The following CELF4 variants were observed in gnomAD, a reference collection of about 807,000 sequenced individuals.
CELF4 encodes the protein CUGBP Elav-like family member 4.
Under a neutral mutation model 59.9 loss-of-function variants are expected in CELF4, and 18 were observed. The ratio of observed to expected loss-of-function variants is 0.30; its 90% CI spans 0.21 to 0.45. CELF4 has a LOEUF of 0.45. CELF4 is among the 20% of genes least tolerant of loss of function. The pLI is 1.00. For missense variants in CELF4, 456 were observed against 689.0 expected (o/e 0.66, Z 3.79); for synonymous variants, 261 against 267.1 (o/e 0.98, Z 0.22).
At chr18:37,320,373 G>A (rs899543527) in intron 3 of CELF4, among the ~76,000 whole-genome samples, 8 of 147,796 alleles carry the variant, frequency 5.4e-5, no homozygotes, top group Admixed American at 4.0e-4. Flanking sequence ...AACTCCTTAC[G>A]CTCCCCTTGG....
At chr18:37,317,525 T>A (rs2096909449) in intron 3 of CELF4, among the ~76,000 whole-genome samples, 1 of 152,152 alleles carries the variant, frequency 6.6e-6, no homozygotes. Context: ...GTGGTGTGCC[T>A]CAGCTGGAGC....
intron 1 of CELF4, among the ~76,000 whole-genome samples, chr18:37,488,268 A>G (rs894975834): frequency 6.6e-6 from 1 of 151,908 alleles, no homozygotes; most frequent in African/African-American, 2.4e-5. Context: ...TTTGGCACCC[A>G]TCACTCCCTG....
chr18:37,322,351 G>T (rs1046020949), intron 2 of CELF4, among the ~76,000 whole-genome samples: 2 of 152,218 alleles, frequency 1.3e-5, no homozygotes, highest in African/African-American at 4.8e-5. Context: ...ATCCCAGCCC[G>T]TACCAGCTCG....
chr18:37,255,246 GTTTA>G (rs1422596489), intron 11 of CELF4, among the ~76,000 whole-genome samples: 1 of 152,028 alleles, frequency 6.6e-6, no homozygotes, highest in Admixed American at 6.6e-5. Context: ...CGTCTTCTCA[GTTTA>G]TTGTCTGTGG....
intron 2 of CELF4, among the ~76,000 whole-genome samples, chr18:37,362,360 G>GCC (rs1324381189): frequency 6.6e-6 from 1 of 152,212 alleles, no homozygotes; most frequent in African/African-American, 2.4e-5. Flanking sequence ...CCCGGCGGCA[G>GCC]CCGAAGGTCA....
chr18:37,492,204 T>C (rs192805181), intron 1 of CELF4, among the ~76,000 whole-genome samples: 151 of 152,074 alleles, frequency 9.9e-4, no homozygotes, highest in Admixed American at 2.5e-3. Context: ...CGGTGGGGAA[T>C]GGGAAGGTAG....
chr18:37,253,900 C>A lies in CELF4; in HGVS notation c.1372G>T (p.Ala458Ser). 3 of 1,607,336 alleles carry A rather than the reference C, an allele frequency of 1.9e-6. No homozygotes were observed. Among genetic ancestry groups the A allele is most frequent in the Non-Finnish European group, 2.5e-6 (3 of 1,177,114 alleles). ...TGGAAGCCGTTCATGGCCTGGATGG[C>A]GGTCTGCGCGCTGGCCGGGTTGTCG... is the stretch of plus-strand genomic sequence containing the variant. ...SFDNPASAQT[A>S]IQAMNGFQIG... Residue 458 changes from alanine (A) to serine (S), a missense_variant, in exon 12 of 13, where the codon GCC becomes TCC. Ala to Ser is a moderately conservative substitution (Grantham distance 99, BLOSUM62 1). Transcript: ENST00000420428. This position sits in a 1 kb window ranked among gnomAD's most constrained non-coding sequence, Gnocchi z 4.5.
At chr18:37,517,702 G>C (rs1271019261) in intron 1 of CELF4, among the ~76,000 whole-genome samples, 2 of 152,158 alleles carry the variant, frequency 1.3e-5, no homozygotes, top group Admixed American at 1.3e-4. Flanking sequence ...GTCTGGGAAA[G>C]GGCTCCTGGT....
At chr18:37,502,511 C>T (rs2099932940) in intron 1 of CELF4, among the ~76,000 whole-genome samples, 1 of 152,150 alleles carries the variant, frequency 6.6e-6, no homozygotes, top group Admixed American at 6.5e-5. Flanking sequence ...TGGTACAGGG[C>T]ATCTCATGAG....
intron 1 of CELF4, among the ~76,000 whole-genome samples, chr18:37,559,731 T>A (rs1460293489): frequency 6.6e-6 from 1 of 152,114 alleles, no homozygotes; most frequent in African/African-American, 2.4e-5. Flanking sequence ...CTTGGATATA[T>A]TCCAAGGCCT....
intron 1 of CELF4, among the ~76,000 whole-genome samples, chr18:37,544,957 A>G (rs1288957232): frequency 2.0e-5 from 3 of 151,898 alleles, no homozygotes; most frequent in Admixed American, 6.6e-5. Context: ...ATGCATGGAG[A>G]CCCCTAAAGC....
At chr18:37,382,185 G>T (rs554501903) in intron 2 of CELF4, among the ~76,000 whole-genome samples, 6 of 152,318 alleles carry the variant, frequency 3.9e-5, no homozygotes, top group Admixed American at 3.9e-4. Context: ...TTCACTATGA[G>T]GCAGGGAATG....
In CELF4 at chr18:37,274,296, C is replaced by A. The variant is rs1228094282; in HGVS notation, c.801+15G>T. ...GTGAGCTTGAGAACCGCTGCCCGTG[C>A]GCGCTGCCACTTACTGCCTGAGCGT... On this transcript the variant is annotated intron_variant, in intron 6 of 12. Coordinates refer to ENST00000420428, the MANE Select transcript of CELF4 (RefSeq NM_020180.4). 5.0e-6 allele frequency: 8 copies of A among 1,609,602 alleles called. No individual in the cohort carries two copies. The highest frequency in any genetic ancestry group is 5.9e-6 in the Non-Finnish European group (7 of 1,178,880).
At chr18:37,270,637 G>T in intron 8 of CELF4, 131 bp downstream of exon 8, 2 of 1,132,554 alleles carry the variant, frequency 1.8e-6, no homozygotes, top group Non-Finnish European at 2.5e-6. Context: ...GGCCCTCTCT[G>T]ATCACACTTG....
intron 2 of CELF4, among the ~76,000 whole-genome samples, chr18:37,444,746 C>T (rs1180477180): frequency 6.6e-6 from 1 of 152,004 alleles, no homozygotes; most frequent in Non-Finnish European, 1.5e-5. Flanking sequence ...CTGCACTGTC[C>T]ATGGCCCCGA....
intron 2 of CELF4, among the ~76,000 whole-genome samples, chr18:37,338,171 T>C (rs1313668): frequency 0.016 from 400 of 25,552 alleles, 4 homozygotes; most frequent in Middle Eastern, 0.076. Flanking sequence ...TCACTATGAC[T>C]GTCACTGACA....
intron 2 of CELF4, among the ~76,000 whole-genome samples, chr18:37,386,693 A>G (rs1380359999): frequency 6.6e-6 from 1 of 152,238 alleles, no homozygotes. Context: ...AAGAAAAAAC[A>G]CCTAGGTACA....
intron 2 of CELF4, among the ~76,000 whole-genome samples, chr18:37,462,347 T>C (rs2099795952): frequency 6.6e-6 from 1 of 152,210 alleles, no homozygotes; most frequent in Non-Finnish European, 1.5e-5. Context: ...GGGCTTCCCA[T>C]TGGTGACTCC....
rs1568959848 is a variant in CELF4, at chr18:37,254,253, C to T, written c.1334-315G>A. Among the ~76,000 whole-genome samples, 1 of 151,614 alleles carries T rather than the reference C, an allele frequency of 6.6e-6. No individual in the cohort carries two copies. The highest frequency in any genetic ancestry group is 1.5e-5 in the Non-Finnish European group (1 of 67,768). ...TGGGAGAGGCGCCCGCCCCCCACCCCCGCCGGCCCCGGCACCTCAGCCCTC... is the reference window on the plus strand; with the variant it reads ...TGGGAGAGGCGCCCGCCCCCCACCCTCGCCGGCCCCGGCACCTCAGCCCTC... On this transcript the variant is annotated intron_variant, in intron 11 of 12. Coordinates refer to ENST00000420428, the MANE Select transcript of CELF4 (RefSeq NM_020180.4). This position sits in a 1 kb window ranked among gnomAD's most constrained non-coding sequence, Gnocchi z 5.1.
Sources: gnomAD v4.1 joint callset for allele counts (sites outside exome capture counted in the v4.1 genomes callset) on GRCh38, gnomAD v4.1.1 for gene constraint, Gnocchi (gnomAD v3.1) non-coding constraint, MANE v1.5 for transcripts, NCBI Gene and HGNC (gene_info 2026-07-23, HGNC 2026-07-21) for gene names.